The following RAB11A variants were observed in gnomAD, a reference collection of about 807,000 sequenced individuals.
RAB11A encodes RAB11A, member RAS oncogene family.
In RAB11A, 9 loss-of-function variants were observed where a neutral mutation model predicts 28.0. The observed-to-expected ratio is 0.32, with a 90% confidence interval of 0.19 to 0.56. The LOEUF is 0.56. Ranked by LOEUF, RAB11A falls within the 20% of genes least tolerant of loss-of-function variation. RAB11A has a pLI of 0.91. For missense variants in RAB11A, 108 were observed against 269.6 expected (o/e 0.40, Z 4.20); for synonymous variants, 85 against 88.2 (o/e 0.96, Z 0.20).
intron 1 of RAB11A, among the ~76,000 whole-genome samples, chr15:65,875,362 C>T (rs1361856321): frequency 1.3e-5 from 2 of 151,980 alleles, no homozygotes; most frequent in African/African-American, 4.8e-5. Flanking sequence ...TACTAAGAGG[C>T]AACAGTGAAT....
intron 4 of RAB11A, among the ~76,000 whole-genome samples, chr15:65,885,326 C>T (rs891062248): frequency 6.6e-5 from 10 of 151,756 alleles, no homozygotes; most frequent in Admixed American, 4.6e-4. Context: ...CGGGGTTTCA[C>T]CATGTTTGCC....
intron 4 of RAB11A, 89 bp downstream of exon 4, chr15:65,879,840 T>G: frequency 9.8e-7 from 1 of 1,016,054 alleles, no homozygotes; most frequent in Non-Finnish European, 1.5e-6. Context: ...AAACTATATA[T>G]CAGCCGAGAG....
chr15:65,883,568 A>G (rs2078235801), intron 4 of RAB11A, among the ~76,000 whole-genome samples: 1 of 152,162 alleles, frequency 6.6e-6, no homozygotes, highest in Non-Finnish European at 1.5e-5. Context: ...TAATATGTCC[A>G]GGATATCTTT....
chr15:65,887,392 T>TG (rs1214223226), intron 4 of RAB11A, among the ~76,000 whole-genome samples: 4 of 152,142 alleles, frequency 2.6e-5, no homozygotes, highest in African/African-American at 4.8e-5. Context: ...AGGCTGGTCT[T>TG]GAACTCCTGA....
At chr15:65,879,867 G>A in intron 4 of RAB11A, 116 bp downstream of exon 4, 1 of 764,204 alleles carries the variant, frequency 1.3e-6, no homozygotes, top group Non-Finnish European at 2.1e-6. Flanking sequence ...TCATTTGAGA[G>A]CTACTCTAGC....
intron 1 of RAB11A, chr15:65,869,954 C>T (rs924288105): frequency 4.4e-5 from 11 of 251,004 alleles, no homozygotes; most frequent in East Asian, 2.3e-4. Flanking sequence ...CTCCCACCAT[C>T]TCTCTTTTCG....
At chr15:65,875,961 G>A (rs941428750) in intron 1 of RAB11A, among the ~76,000 whole-genome samples, 1 of 152,218 alleles carries the variant, frequency 6.6e-6, no homozygotes, top group Non-Finnish European at 1.5e-5. Context: ...GTAGTCAAAA[G>A]TAGGAACGAA....
intron 1 of RAB11A, among the ~76,000 whole-genome samples, chr15:65,870,622 T>C (rs2078154567): frequency 6.6e-6 from 1 of 152,224 alleles, no homozygotes; most frequent in Admixed American, 6.5e-5. Context: ...CTAGCTTGCT[T>C]TATCTCTATG....
intron 3 of RAB11A, 166 bp downstream of exon 3, chr15:65,878,121 C>A: frequency 1.4e-6 from 1 of 724,950 alleles, no homozygotes; most frequent in Admixed American, 2.1e-5. Context: ...TGCTTTGAGT[C>A]ATTAAAACAC....
At chr15:65,870,600 G>T (rs991126131) in intron 1 of RAB11A, among the ~76,000 whole-genome samples, 2 of 152,212 alleles carry the variant, frequency 1.3e-5, no homozygotes, top group Non-Finnish European at 2.9e-5. Flanking sequence ...AAGGTTGTGC[G>T]CTGCACAAAT....
intron 4 of RAB11A, among the ~76,000 whole-genome samples, chr15:65,881,147 A>T (rs2078220115): frequency 6.6e-6 from 1 of 152,182 alleles, no homozygotes; most frequent in Non-Finnish European, 1.5e-5. Context: ...CTGGGGTTGG[A>T]TAAGCAGTCT....
intron 1 of RAB11A, among the ~76,000 whole-genome samples, chr15:65,874,238 T>A (rs1015070156): frequency 1.3e-5 from 2 of 152,050 alleles, no homozygotes; most frequent in Admixed American, 1.3e-4. Flanking sequence ...TTTTTTTTTT[T>A]TTTTTGAGAT....
Position 65,877,947 on chromosome 15 carries a change from C to G in RAB11A, c.422C>G (p.Ala141Gly). 1.2e-6 allele frequency: 2 copies of G among 1,612,516 alleles called. No individual in the cohort carries two copies. Among genetic ancestry groups the G allele is most frequent in the Admixed American group, 1.7e-5 (1 of 59,998 alleles). Residue 141 changes from alanine (A) to glycine (G), a missense_variant, in exon 3 of 5, where the codon GCT becomes GGT. Transcript: ENST00000261890. The surrounding 1 kb of genome is among the most constrained non-coding windows in gnomAD (Gnocchi z 4.1). ...GCAGTTCCTACAGATGAAGCAAGAG[C>G]TTTTGCAGGTTAGTGATAGGAATTC... Reference protein sequence around the residue: ...LRAVPTDEARAFAEKNGLSFI... With the variant: ...LRAVPTDEARGFAEKNGLSFI...
At chr15:65,884,267 G>A (rs2078240893) in intron 4 of RAB11A, among the ~76,000 whole-genome samples, 1 of 152,166 alleles carries the variant, frequency 6.6e-6, no homozygotes, top group Admixed American at 6.5e-5. Flanking sequence ...TCAATCAGAT[G>A]AGTGGCTAAG....
intron 1 of RAB11A, among the ~76,000 whole-genome samples, chr15:65,870,369 TG>T (rs2078152194): frequency 6.6e-6 from 1 of 152,162 alleles, no homozygotes; most frequent in Admixed American, 6.5e-5. Flanking sequence ...ACCTGGGTGG[TG>T]GGAGGGAGGG....
In RAB11A at chr15:65,891,035, G is replaced by A. The variant is rs1280636831; in HGVS notation, c.*3195G>A. 1.3e-5 allele frequency: 2 copies of A among 152,202 alleles called. No individual in the cohort carries two copies. The highest frequency in any genetic ancestry group is 4.8e-5 in the African/African-American group (2 of 41,452). The allele number at this position is 152,202 out of a possible 1,614,324, so 9.4% of individuals were successfully genotyped here. On this transcript the variant is annotated 3_prime_UTR_variant, in exon 5 of 5. Coordinates refer to ENST00000261890, the MANE Select transcript of RAB11A (RefSeq NM_004663.5). ...TCCTCTTCCACCACATCATTTAATG[G>A]GTTAGCGGAACAGATAGGGAGCTAT...
intron 1 of RAB11A, among the ~76,000 whole-genome samples, chr15:65,873,038 T>C (rs2078172306): frequency 1.3e-5 from 2 of 152,210 alleles, no homozygotes; most frequent in Admixed American, 6.5e-5. Context: ...TGGAGTGGTC[T>C]AAATAGGAAT....
At position 65,884,758 on chromosome 15, in the gene RAB11A, T is replaced by A. The variant is rs1389958477; in HGVS notation, c.512-2943T>A. Among the ~76,000 whole-genome samples, 122 of 120,858 alleles carry A rather than the reference T, an allele frequency of 1.0e-3. 1 individual carries two copies. The highest frequency in any genetic ancestry group is 3.3e-3 in the African/African-American group (107 of 32,780). The allele number at this position is 120,858 out of a possible 152,430, so 79.3% of individuals were successfully genotyped here. On this transcript the variant is annotated intron_variant, in intron 4 of 4. Transcript: ENST00000261890. Reference sequence around the variant, plus strand: ...AGTCTCTTGTGGCTGGGTGTGTCATTAAAAAAAAAAAAAAACCAAACCAAA... The same window carrying A: ...AGTCTCTTGTGGCTGGGTGTGTCATAAAAAAAAAAAAAAAACCAAACCAAA...
At chr15:65,879,254 C>T (rs1048692451) in intron 3 of RAB11A, among the ~76,000 whole-genome samples, 3 of 152,184 alleles carry the variant, frequency 2.0e-5, no homozygotes, top group African/African-American at 7.2e-5. Context: ...TCAAGCAATC[C>T]GCCTGCCTTG....
Sources: gnomAD v4.1 joint callset for allele counts (sites outside exome capture counted in the v4.1 genomes callset) on GRCh38, gnomAD v4.1.1 for gene constraint, Gnocchi (gnomAD v3.1) non-coding constraint, MANE v1.5 for transcripts, NCBI Gene and HGNC (gene_info 2026-07-23, HGNC 2026-07-21) for gene names.